CTTNBP2NL: variants seen among roughly 807,000 people sequenced by gnomAD.
CTTNBP2NL encodes CTTNBP2 N-terminal-like protein.
CTTNBP2NL carries 16 observed loss-of-function variants against 32.5 expected under a neutral mutation model. The ratio of observed to expected loss-of-function variants is 0.49; its 90% CI spans 0.33 to 0.75. The LOEUF is 0.75. CTTNBP2NL is among the 30% of genes least tolerant of loss of function. The pLI is 0.02. For synonymous variants in CTTNBP2NL, 298 were observed against 289.4 expected, an observed-to-expected ratio of 1.03 and a Z score of -0.30; for missense variants, 645 against 756.0, an observed-to-expected ratio of 0.85 and a Z score of 1.72.
At chr1:112,405,800 T>C (rs904186911) in intron 1 of CTTNBP2NL, among the ~76,000 whole-genome samples, 3 of 152,308 alleles carry the variant, frequency 2.0e-5, no homozygotes, top group Admixed American at 6.5e-5. Flanking sequence ...CAGAGAGATA[T>C]AGCAGAGTTG....
chr1:112,436,879 C>T (rs1177917651), intron 3 of CTTNBP2NL, among the ~76,000 whole-genome samples: 2 of 152,132 alleles, frequency 1.3e-5, no homozygotes, highest in Non-Finnish European at 2.9e-5. Context: ...TCATTTAGCT[C>T]CAGCTTATAA....
intron 1 of CTTNBP2NL, among the ~76,000 whole-genome samples, chr1:112,399,138 T>G (rs760043177): frequency 1.3e-5 from 2 of 151,814 alleles, no homozygotes; most frequent in African/African-American, 2.4e-5. Context: ...GCCAACATGA[T>G]AAAACCCCGT....
At chr1:112,451,903 A>C (rs1464145920) in intron 4 of CTTNBP2NL, among the ~76,000 whole-genome samples, 1 of 152,056 alleles carries the variant, frequency 6.6e-6, no homozygotes, top group Non-Finnish European at 1.5e-5. Context: ...GGGGCTCTGC[A>C]AGGCAAAACA....
At chr1:112,419,678 A>G (rs59244544) in intron 3 of CTTNBP2NL, among the ~76,000 whole-genome samples, 4,859 of 152,332 alleles carry the variant, frequency 0.032, 241 homozygotes, top group African/African-American at 0.11. Flanking sequence ...TGAAAAACGT[A>G]AAATTGAACT....
intron 3 of CTTNBP2NL, among the ~76,000 whole-genome samples, chr1:112,441,324 T>C (rs1234617583): frequency 6.6e-6 from 1 of 152,228 alleles, no homozygotes; most frequent in East Asian, 1.9e-4. Flanking sequence ...ATGCCTGGCC[T>C]CTTTTTTTTG....
intron 1 of CTTNBP2NL, among the ~76,000 whole-genome samples, chr1:112,404,616 AAG>A (rs1648605356): frequency 6.6e-6 from 1 of 152,358 alleles, no homozygotes; most frequent in Non-Finnish European, 1.5e-5. Context: ...GGTATTTTAC[AAG>A]TTATGGTGGC....
upstream of CTTNBP2NL, among the ~76,000 whole-genome samples, chr1:112,395,564 T>C (rs1479771391): frequency 6.6e-6 from 1 of 152,156 alleles, no homozygotes; most frequent in Admixed American, 6.5e-5. Flanking sequence ...GCCACACAAA[T>C]TTGCAATTAT....
At chr1:112,434,830 C>T (rs886754865) in intron 3 of CTTNBP2NL, among the ~76,000 whole-genome samples, 7 of 152,062 alleles carry the variant, frequency 4.6e-5, no homozygotes, top group African/African-American at 1.4e-4. Context: ...CTTCTTCACA[C>T]ATAGAACCCT....
intron 3 of CTTNBP2NL, among the ~76,000 whole-genome samples, chr1:112,421,706 C>T (rs1649238934): frequency 6.6e-6 from 1 of 151,524 alleles, no homozygotes; most frequent in Admixed American, 6.6e-5. Context: ...TTATTAGTGG[C>T]ACTTGGACAT....
chr1:112,415,830 C>T lies in CTTNBP2NL; in HGVS notation c.-9-327C>T, dbSNP rs111854485. 8.7e-4 allele frequency: 239 copies of T among 275,430 alleles called. 1 individual carries two copies. The highest frequency in any genetic ancestry group is 5.2e-3 in the African/African-American group (220 of 42,572). The allele number at this position is 275,430 out of a possible 1,614,324, so 17.1% of individuals were successfully genotyped here. A position where few individuals can be genotyped will look rare whatever the true frequency, so the allele number is the denominator to read the frequency against. On this transcript the variant is annotated intron_variant, in intron 2 of 5. Coordinates refer to ENST00000271277, the MANE Select transcript of CTTNBP2NL (RefSeq NM_018704.3). ...TTAGCCTCCCAAAGTGCTGGGATTA[C>T]AGGCATGAGCCACTGCACCCAGCCC...
chr1:112,403,557 G>T (rs1648569016), intron 1 of CTTNBP2NL, among the ~76,000 whole-genome samples: 1 of 152,204 alleles, frequency 6.6e-6, no homozygotes, highest in Admixed American at 6.5e-5. Context: ...AATTACGAAT[G>T]TAGATACATA....
chr1:112,436,990 C>G (rs998301784), intron 3 of CTTNBP2NL, among the ~76,000 whole-genome samples: 15 of 152,164 alleles, frequency 9.9e-5, no homozygotes, highest in African/African-American at 2.9e-4. Context: ...TTTTTTATGG[C>G]TGTGTAGTAT....
At chr1:112,424,036 T>C (rs529505886) in intron 3 of CTTNBP2NL, among the ~76,000 whole-genome samples, 1 of 152,294 alleles carries the variant, frequency 6.6e-6, no homozygotes, top group Admixed American at 6.5e-5. Flanking sequence ...CAATTTTTCT[T>C]TTATGGATTT....
At chr1:112,410,132 C>G (rs534210894) in intron 1 of CTTNBP2NL, among the ~76,000 whole-genome samples, 225 of 152,312 alleles carry the variant, frequency 1.5e-3, no homozygotes, top group African/African-American at 5.2e-3. Flanking sequence ...GAGGCTCACA[C>G]CTGTAATCCC....
chr1:112,456,571 G>C lies in CTTNBP2NL; in HGVS notation c.1079G>C (p.Arg360Thr), dbSNP rs151022392. The C allele has an allele frequency of 4.5e-4, 725 of 1,614,002 alleles. No individual in the cohort carries two copies. The highest frequency in any genetic ancestry group is 5.9e-4 in the Non-Finnish European group (702 of 1,180,032). ...TGTGACCCAGAGATACAAACTACCA[G>C]GGAGCTGACTGCAGGCAACAATGTA... ...GHCDPEIQTT[R>T]ELTAGNNVEN... The change falls in exon 6 of 6, where the codon AGG becomes ACG. Residue 360 changes from arginine (R) to threonine (T), a missense_variant. By Grantham distance (71) the Arg-to-Thr change is moderately conservative (BLOSUM62 -1). Coordinates refer to ENST00000271277, the MANE Select transcript of CTTNBP2NL (RefSeq NM_018704.3).
chr1:112,394,674 C>T (rs1455390055), upstream of CTTNBP2NL, among the ~76,000 whole-genome samples: 1 of 152,208 alleles, frequency 6.6e-6, no homozygotes, highest in Non-Finnish European at 1.5e-5. Context: ...CTAAAATCAA[C>T]AGGGGGAGGC....
chr1:112,454,414 A>C, intron 4 of CTTNBP2NL, 35 bp from the exon 5 acceptor site: 1 of 1,502,154 alleles, frequency 6.7e-7, no homozygotes, highest in Non-Finnish European at 9.3e-7. Flanking sequence ...TGACTCCTTG[A>C]TATTTGAAAA....
At chr1:112,448,798 T>A (rs1037967786) in intron 3 of CTTNBP2NL, 144 bp from the exon 4 acceptor site, 11 of 611,158 alleles carry the variant, frequency 1.8e-5, no homozygotes, top group Non-Finnish European at 3.0e-5. Context: ...ATGCTGTTTC[T>A]TTAGATGGCT....
intron 3 of CTTNBP2NL, among the ~76,000 whole-genome samples, chr1:112,430,177 T>TTTTCC (rs1303547422): frequency 1.3e-5 from 1 of 75,484 alleles, no homozygotes; most frequent in Non-Finnish European, 3.0e-5. Context: ...CTTTCTTTTC[T>TTTTCC]TTTCTTTTCT....
Sources: allele counts gnomAD v4.1 joint callset (sites outside exome capture counted in the v4.1 genomes callset), GRCh38; gene constraint gnomAD v4.1.1; transcripts MANE v1.5; gene names NCBI Gene and HGNC (gene_info 2026-07-23, HGNC 2026-07-21).